Variants in SLC44A1 observed in about 807,000 individuals in gnomAD.
SLC44A1 encodes choline transporter-like protein 1.
Under a neutral mutation model 79.3 loss-of-function variants are expected in SLC44A1, and 26 were observed. That is an observed-to-expected ratio of 0.33 (90% CI 0.24 to 0.46). The LOEUF (loss-of-function observed/expected upper bound fraction) is 0.46. Among genes scored for constraint, SLC44A1 ranks in the 20% least tolerant of loss-of-function variants. The probability of loss-of-function intolerance (pLI) is 1.00; values close to 1 mark genes in which losing one functional copy is unlikely to be tolerated. For missense variants in SLC44A1, 688 were observed against 798.1 expected (o/e 0.86, Z 1.66); for synonymous variants, 263 against 286.2 (o/e 0.92, Z 0.82).
intron 15 of SLC44A1, chr9:105,438,251 A>G (rs1316569002): frequency 6.5e-7 from 1 of 1,546,670 alleles, no homozygotes; most frequent in African/African-American, 1.4e-5. Context: ...CTAGGACAGA[A>G]GCATTCATTT....
chr9:105,319,406 G>T (rs969839022), intron 3 of SLC44A1, among the ~76,000 whole-genome samples: 1 of 152,180 alleles, frequency 6.6e-6, no homozygotes, highest in Non-Finnish European at 1.5e-5. Context: ...TCCGAGCACA[G>T]TACTTTCTCA....
At chr9:105,288,137 C>G (rs12335779) in intron 1 of SLC44A1, among the ~76,000 whole-genome samples, 14,233 of 152,112 alleles carry the variant, frequency 0.094, 982 homozygotes, top group African/African-American at 0.18. Context: ...TTTGTATAAT[C>G]AGAGCATAGA....
At position 105,396,786 on chromosome 9, in the gene SLC44A1, T is replaced by G. The variant is rs779683404; in HGVS notation, c.*7730T>G. ...CAAAATGAATTTTTGTATCTTGTCTTGTCTTTGTCCATTATAAACTGGAGG... is the reference window on the plus strand; with the variant it reads ...CAAAATGAATTTTTGTATCTTGTCTGGTCTTTGTCCATTATAAACTGGAGG... On this transcript the variant is annotated 3_prime_UTR_variant, in exon 16 of 16. Coordinates refer to ENST00000374720, the MANE Select transcript of SLC44A1 (RefSeq NM_080546.5). 1 of 985,200 alleles carries G rather than the reference T, an allele frequency of 1.0e-6. No homozygotes were observed. The highest frequency in any genetic ancestry group is 1.2e-6 in the Non-Finnish European group (1 of 829,844). 61.0% of individuals were successfully genotyped at this position (985,200 alleles called of 1,614,324 possible).
intron 15 of SLC44A1, among the ~76,000 whole-genome samples, chr9:105,430,842 T>C (rs751829918): frequency 3.9e-5 from 6 of 152,196 alleles, no homozygotes; most frequent in Non-Finnish European, 8.8e-5. Context: ...TTTTGAGGAA[T>C]GCCAAATTGA....
At chr9:105,293,405 TTTAGATA>T (rs1830648210) in intron 1 of SLC44A1, among the ~76,000 whole-genome samples, 1 of 152,220 alleles carries the variant, frequency 6.6e-6, no homozygotes, top group Admixed American at 6.5e-5. Context: ...AGTCTTTGCC[TTTAGATA>T]TTACCCAGAT....
intron 7 of SLC44A1, among the ~76,000 whole-genome samples, chr9:105,358,925 A>G (rs1327795435): frequency 6.6e-6 from 1 of 152,060 alleles, no homozygotes; most frequent in Non-Finnish European, 1.5e-5. Flanking sequence ...GTGATTATTA[A>G]AGTCAGAAAT....
At chr9:105,383,724 GCCTA>G (rs1373784805) in intron 14 of SLC44A1, among the ~76,000 whole-genome samples, 1 of 152,160 alleles carries the variant, frequency 6.6e-6, no homozygotes, top group Non-Finnish European at 1.5e-5. Flanking sequence ...AGGTCCTAGT[GCCTA>G]CCTGTCTTTC....
Position 105,390,430 on chromosome 9 carries a change from CAAAAAAA to C in SLC44A1, c.*1389_*1395del, listed in dbSNP as rs34048538. ...TATTGCACTAAATACAGGCTCTGTA[CAAAAAAA>C]AAAAAAAAAAAAAAGCCTCAGCATT... On this transcript the variant is annotated 3_prime_UTR_variant, in exon 16 of 16. Transcript: ENST00000374720. 35 of 825,092 alleles carry C rather than the reference CAAAAAAA, an allele frequency of 4.2e-5. No individual in the cohort carries two copies. In the African/African-American group the frequency reaches 4.3e-4, roughly 10 times the overall value. The allele number at this position is 825,092 out of a possible 1,614,324, so 51.1% of individuals were successfully genotyped here.
chr9:105,371,097 G>A (rs1451986183), intron 12 of SLC44A1, among the ~76,000 whole-genome samples: 2 of 152,206 alleles, frequency 1.3e-5, no homozygotes, highest in African/African-American at 4.8e-5. Context: ...TTGTTGAACT[G>A]AAGAATTACA....
At chr9:105,419,681 G>A (rs774512469) in intron 15 of SLC44A1, among the ~76,000 whole-genome samples, 2 of 152,140 alleles carry the variant, frequency 1.3e-5, no homozygotes, top group Non-Finnish European at 1.5e-5. Flanking sequence ...TTGGGAGGCC[G>A]AGGTGGGTGG....
intron 13 of SLC44A1, among the ~76,000 whole-genome samples, chr9:105,375,035 G>T (rs531248960): frequency 2.0e-4 from 30 of 152,184 alleles, no homozygotes; most frequent in Admixed American, 4.6e-4. Flanking sequence ...TTGTTTTTTT[G>T]TTGTTGTTTG....
chr9:105,342,996 A>C (rs1197916345), intron 4 of SLC44A1, among the ~76,000 whole-genome samples: 1 of 150,422 alleles, frequency 6.6e-6, no homozygotes, highest in African/African-American at 2.4e-5. Flanking sequence ...AAATATATAT[A>C]TATAAATAAA....
At chr9:105,276,435 C>G (rs1478509055) in intron 1 of SLC44A1, among the ~76,000 whole-genome samples, 1 of 152,034 alleles carries the variant, frequency 6.6e-6, no homozygotes, top group Admixed American at 6.6e-5. Flanking sequence ...ACTGGGGATA[C>G]AGCAAAGAAC....
chr9:105,390,149 A>G lies in SLC44A1; in HGVS notation c.*1093A>G, dbSNP rs1828726603. 6.6e-6 allele frequency: 8 copies of G among 1,219,132 alleles called. No individual in the cohort carries two copies. Among genetic ancestry groups the G allele is most frequent in the Non-Finnish European group, 8.2e-6 (8 of 975,472 alleles). The allele number at this position is 1,219,132 out of a possible 1,614,324, so 75.5% of individuals were successfully genotyped here. A position where few individuals can be genotyped will look rare whatever the true frequency, so the allele number is the denominator to read the frequency against. On this transcript the variant is annotated 3_prime_UTR_variant, in exon 16 of 16. Coordinates refer to ENST00000374720, the MANE Select transcript of SLC44A1 (RefSeq NM_080546.5). ...GAATTGGCTAATGTTTTGATCCTCC[A>G]GTGTGACTGTTGTTTTTGTTTGGGG...
intron 15 of SLC44A1, among the ~76,000 whole-genome samples, chr9:105,413,019 G>C (rs375110047): frequency 6.6e-6 from 1 of 152,172 alleles, no homozygotes; most frequent in South Asian, 2.1e-4. Flanking sequence ...TTGGGGTAGA[G>C]AAAGGGAAAA....
Position 105,299,257 on chromosome 9 carries a change from G to A in SLC44A1, c.74G>A (p.Ser25Asn), listed in dbSNP as rs1830811664. The change falls in exon 2 of 16, where the codon AGC (serine) becomes AAC (asparagine). Residue 25 changes from serine (S) to asparagine (N), a missense_variant. Ser to Asn is a conservative substitution (Grantham distance 46). Transcript: ENST00000374720. ...GAATGGAAGCCGCTGGAGGACCGTA[G>A]CTGCACAGACATACCATGGCTGCTG... is the stretch of plus-strand genomic sequence containing the variant. The part of the protein sequence containing the change: ...KREWKPLEDR[S>N]CTDIPWLLLF... The A allele has an allele frequency of 6.3e-7, 1 of 1,596,214 alleles. No individual in the cohort carries two copies. Among genetic ancestry groups the A allele is most frequent in the South Asian group, 1.1e-5 (1 of 87,524 alleles).
intron 3 of SLC44A1, among the ~76,000 whole-genome samples, chr9:105,334,645 G>A (rs768346784): frequency 1.3e-4 from 20 of 152,072 alleles, no homozygotes; most frequent in African/African-American, 3.4e-4. Context: ...TCCTTGATCC[G>A]TGTTATTGCA....
At chr9:105,352,023 G>A (rs2131389935) in intron 5 of SLC44A1, among the ~76,000 whole-genome samples, 1 of 152,260 alleles carries the variant, frequency 6.6e-6, no homozygotes, top group East Asian at 1.9e-4. Context: ...CACTTTGGGA[G>A]ACCAAAGTGG....
At chr9:105,417,109 C>A (rs933784081) in intron 15 of SLC44A1, among the ~76,000 whole-genome samples, 5 of 152,208 alleles carry the variant, frequency 3.3e-5, no homozygotes, top group African/African-American at 1.2e-4. Flanking sequence ...GCCTCCTCTC[C>A]TTGTCCTAAC....
Sources: gnomAD v4.1 joint callset for allele counts (sites outside exome capture counted in the v4.1 genomes callset) on GRCh38, gnomAD v4.1.1 for gene constraint, MANE v1.5 for transcripts, NCBI Gene and HGNC (gene_info 2026-07-23, HGNC 2026-07-21) for gene names.